The following TLE1 variants were observed in gnomAD, a reference collection of about 807,000 sequenced individuals.
TLE1 encodes transducin-like enhancer protein 1.
In TLE1, 21 loss-of-function variants were observed where a neutral mutation model predicts 89.8. That is an observed-to-expected ratio of 0.23 (90% CI 0.17 to 0.34). The LOEUF (loss-of-function observed/expected upper bound fraction) is 0.34, where lower values mean the gene tolerates loss of function less well. Ranked by LOEUF, TLE1 falls within the 10% of genes least tolerant of loss-of-function variation. TLE1 has a pLI of 1.00. For synonymous variants in TLE1, 447 were observed against 407.6 expected (o/e 1.10, Z -1.16); for missense variants, 795 against 1,031.2 (o/e 0.77, Z 3.14).
At position 81,687,503 on chromosome 9, in the gene TLE1, G is replaced by A. The variant is rs577678613; in HGVS notation, c.25-69C>T. Reference sequence around the variant, plus strand: ...CGGATGAATAAAGCAGTAAGTCAGAGAAGGCAAGAACGGGTGGGACATAAA... The same window carrying A: ...CGGATGAATAAAGCAGTAAGTCAGAAAAGGCAAGAACGGGTGGGACATAAA... On this transcript the variant is annotated intron_variant, in intron 1 of 19. Transcript: ENST00000376499. 2.0e-4 allele frequency: 251 copies of A among 1,225,994 alleles called. No individual in the cohort carries two copies. In the African/African-American group the frequency reaches 3.0e-3, roughly 15 times the overall value. The allele number at this position is 1,225,994 out of a possible 1,614,324, so 75.9% of individuals were successfully genotyped here.
rs1311798011 is a variant in TLE1 at position 81,611,848 on chromosome 9, G to A, written c.1175C>T (p.Ala392Val). The A allele has an allele frequency of 1.3e-6, 2 of 1,563,118 alleles. No homozygotes were observed. Among genetic ancestry groups the A allele is most frequent in the Non-Finnish European group, 8.6e-7 (1 of 1,158,966 alleles). Residue 392 changes from alanine (A) to valine (V), a missense_variant, in exon 13 of 20, where the codon GCC becomes GTC. By Grantham distance (64) the Ala-to-Val change is moderately conservative. Around this residue, in one of 4 missense-constraint regions of TLE1, gnomAD observed 468 missense variants for 509.1 expected, o/e 0.92. Transcript: ENST00000376499. Reference sequence around the variant, plus strand: ...CTGGGGCGACATGTTGTGTAAACTGGCGTAGGCAGCGCCTGGGCTGGTCAG... The same window carrying A: ...CTGGGGCGACATGTTGTGTAAACTGACGTAGGCAGCGCCTGGGCTGGTCAG... Reference protein sequence around the residue: ...GELTSPGAAYASLHNMSPQMS... With the variant: ...GELTSPGAAYVSLHNMSPQMS...
At chr9:81,586,219 G>A (rs761945692) in intron 17 of TLE1, among the ~76,000 whole-genome samples, 17 of 151,972 alleles carry the variant, frequency 1.1e-4, no homozygotes, top group African/African-American at 2.2e-4. Context: ...GGGTTTCACC[G>A]TGCCAGCCAG....
intron 9 of TLE1, among the ~76,000 whole-genome samples, chr9:81,619,462 T>C (rs1295618354): frequency 6.6e-6 from 1 of 152,118 alleles, no homozygotes; most frequent in African/African-American, 2.4e-5. Flanking sequence ...ACAAGGTACC[T>C]GGCACTAACT....
intron 4 of TLE1, among the ~76,000 whole-genome samples, chr9:81,666,394 C>T (rs10119840): frequency 0.77 from 116,115 of 151,634 alleles, 44,971 homozygotes; most frequent in African/African-American, 0.88. Flanking sequence ...TTAGGTAATA[C>T]CACACAATGG....
At chr9:81,649,330 A>C (rs1588118220) in intron 6 of TLE1, among the ~76,000 whole-genome samples, 1 of 151,230 alleles carries the variant, frequency 6.6e-6, no homozygotes. Flanking sequence ...GAAAAAATAC[A>C]ACCTCTCTCT....
intron 5 of TLE1, among the ~76,000 whole-genome samples, chr9:81,653,183 CAAT>C (rs1171860703): frequency 6.6e-6 from 1 of 152,168 alleles, no homozygotes; most frequent in Non-Finnish European, 1.5e-5. Context: ...GCTGTTACAA[CAAT>C]AATGAGATGG....
intron 8 of TLE1, chr9:81,621,038 A>G (rs1825181434): frequency 3.5e-6 from 1 of 287,874 alleles, no homozygotes; most frequent in South Asian, 3.0e-5. Context: ...GGCAAATCAC[A>G]TTTTCCACAG....
intron 15 of TLE1, 35 bp from the exon 16 acceptor site, chr9:81,591,087 T>C (rs1429083843): frequency 6.3e-7 from 1 of 1,597,494 alleles, no homozygotes; most frequent in Non-Finnish European, 8.6e-7. Context: ...CTATAATGAA[T>C]TACCGAGCAA....
At chr9:81,596,874 G>A (rs965356589) in intron 14 of TLE1, among the ~76,000 whole-genome samples, 1 of 152,198 alleles carries the variant, frequency 6.6e-6, no homozygotes, top group African/African-American at 2.4e-5. Flanking sequence ...AAAAGTCACT[G>A]AGCTAGACAT....
At chr9:81,664,577 G>GGA (rs1466628724) in intron 4 of TLE1, among the ~76,000 whole-genome samples, 2 of 152,058 alleles carry the variant, frequency 1.3e-5, no homozygotes, top group African/African-American at 2.4e-5. Context: ...AAAAATGTGG[G>GGA]GAGGTCGGGC....
chr9:81,651,578 G>C (rs972529438), intron 6 of TLE1, among the ~76,000 whole-genome samples: 11 of 152,114 alleles, frequency 7.2e-5, no homozygotes, highest in Admixed American at 7.2e-4. Context: ...ATTCATGAAA[G>C]AGGCACAAGA....
intron 4 of TLE1, among the ~76,000 whole-genome samples, chr9:81,659,225 C>A (rs1353129352): frequency 6.6e-6 from 1 of 152,102 alleles, no homozygotes; most frequent in Admixed American, 6.6e-5. Flanking sequence ...GTGACTCCTG[C>A]CCATGCTTCT....
intron 6 of TLE1, among the ~76,000 whole-genome samples, chr9:81,637,621 T>C (rs977808481): frequency 6.6e-6 from 1 of 151,288 alleles, no homozygotes; most frequent in Non-Finnish European, 1.5e-5. Flanking sequence ...CTTCCATCCA[T>C]TGCTTGGCTA....
At chr9:81,670,998 A>G (rs1224804221) in intron 4 of TLE1, among the ~76,000 whole-genome samples, 1 of 151,770 alleles carries the variant, frequency 6.6e-6, no homozygotes, top group South Asian at 2.1e-4. Context: ...GCAAAACCCC[A>G]TCTCTACTAA....
At chr9:81,655,997 G>A (rs1830111996) in intron 4 of TLE1, among the ~76,000 whole-genome samples, 1 of 152,134 alleles carries the variant, frequency 6.6e-6, no homozygotes, top group Admixed American at 6.6e-5. Flanking sequence ...GATTTAGTCT[G>A]ACCCAACCCA....
At chr9:81,613,232 T>C (rs762062247) in intron 12 of TLE1, 145 bp downstream of exon 12, 13 of 1,167,170 alleles carry the variant, frequency 1.1e-5, no homozygotes, top group East Asian at 2.6e-5. Context: ...CTGTTTCTTA[T>C]CATGGCTTTT....
chr9:81,597,080 G>A (rs184993122), intron 14 of TLE1, among the ~76,000 whole-genome samples: 19 of 152,226 alleles, frequency 1.2e-4, no homozygotes, highest in Admixed American at 2.0e-4. Context: ...CGTCAACTGC[G>A]GTCTTGCCAA....
chr9:81,646,511 A>G (rs1828882068), intron 6 of TLE1, among the ~76,000 whole-genome samples: 1 of 152,178 alleles, frequency 6.6e-6, no homozygotes, highest in Admixed American at 6.5e-5. Context: ...TTATAAAGAA[A>G]CTTACAGCTG....
At chr9:81,653,780 T>C (rs940236170) in intron 5 of TLE1, among the ~76,000 whole-genome samples, 194 bp downstream of exon 5, 13 of 152,128 alleles carry the variant, frequency 8.5e-5, no homozygotes, top group African/African-American at 2.9e-4. Context: ...AATTTGGGGG[T>C]TGAGCTATTG....
Sources: gnomAD v4.1 joint callset for allele counts (sites outside exome capture counted in the v4.1 genomes callset) on GRCh38, gnomAD v4.1.1 for gene constraint, gnomAD v4.1.1 regional missense constraint, MANE v1.5 for transcripts, NCBI Gene and HGNC (gene_info 2026-07-23, HGNC 2026-07-21) for gene names.